EXOC1: variants seen among roughly 807,000 people sequenced by gnomAD.
EXOC1 encodes SEC3-like 1.
A neutral mutation model predicts 107.7 loss-of-function variants in EXOC1; 67 were observed. The observed-to-expected ratio is 0.62, with a 90% CI of 0.51 to 0.76. EXOC1 has a LOEUF of 0.76. Ranked by LOEUF, EXOC1 falls within the 30% of genes least tolerant of loss-of-function variation. The pLI, the probability that EXOC1 is intolerant of heterozygous loss-of-function variation, is 0.00. For synonymous variants in EXOC1, 348 were observed against 353.5 expected, an observed-to-expected ratio of 0.98 and a Z score of 0.17; for missense variants, 833 against 1,055.7, an observed-to-expected ratio of 0.79 and a Z score of 2.92.
chr4:55,893,566 G>A lies in EXOC1; in HGVS notation c.1739G>A (p.Arg580His), dbSNP rs754810927. Reference sequence around the variant, plus strand: ...TTTCTGAACAGGAAAGATATGATCCGCCAAATGATGATTAAAATATTTCGC... The same window carrying A: ...TTTCTGAACAGGAAAGATATGATCCACCAAATGATGATTAAAATATTTCGC... The part of the protein sequence containing the change: ...LPVSSEKDMI[R>H]QMMIKIFRCI... Residue 580 changes from arginine to histidine, a missense_variant, in exon 15 of 19, where the codon CGC becomes CAC. Transcript: ENST00000381295. 4 of 1,612,864 alleles carry A rather than the reference G, an allele frequency of 2.5e-6. No individual in the cohort carries two copies. The highest frequency in any genetic ancestry group is 3.4e-6 in the Non-Finnish European group (4 of 1,179,856).
intron 2 of EXOC1, among the ~76,000 whole-genome samples, chr4:55,858,901 A>G (rs1439341734): frequency 6.6e-6 from 1 of 152,178 alleles, no homozygotes; most frequent in African/African-American, 2.4e-5. Flanking sequence ...TATAATTTAA[A>G]CTAAATGAAA....
At chr4:55,891,976 T>C (rs770373479) in intron 13 of EXOC1, among the ~76,000 whole-genome samples, 6 of 152,174 alleles carry the variant, frequency 3.9e-5, no homozygotes, top group Non-Finnish European at 7.3e-5. Flanking sequence ...GTAGCATACA[T>C]ATAAGAGAAT....
chr4:55,894,719 T>A (rs896533384), intron 15 of EXOC1, among the ~76,000 whole-genome samples: 13 of 144,174 alleles, frequency 9.0e-5, no homozygotes, highest in South Asian at 4.6e-4. Flanking sequence ...GCCTCCTGGG[T>A]TCAAGTGATT....
chr4:55,867,349 G>C (rs1401318921), intron 4 of EXOC1, among the ~76,000 whole-genome samples: 1 of 152,084 alleles, frequency 6.6e-6, no homozygotes, highest in Non-Finnish European at 1.5e-5. Context: ...ACGTATTTCA[G>C]GTCATGCTGA....
chr4:55,874,244 A>G (rs1722694856), intron 8 of EXOC1, among the ~76,000 whole-genome samples: 1 of 152,172 alleles, frequency 6.6e-6, no homozygotes, highest in Non-Finnish European at 1.5e-5. Context: ...TATTCACAAT[A>G]TAACAGTAAT....
chr4:55,895,400 C>T (rs962027396), intron 15 of EXOC1, among the ~76,000 whole-genome samples: 5 of 152,198 alleles, frequency 3.3e-5, no homozygotes, highest in East Asian at 1.9e-4. Context: ...GTTCTAGTAC[C>T]TGCAATCTTA....
At position 55,878,029 on chromosome 4, in the gene EXOC1, A is replaced by G; in HGVS notation, c.1187A>G (p.Lys396Arg). 1.2e-6 allele frequency: 2 copies of G among 1,613,858 alleles called. No individual in the cohort carries two copies. The highest frequency in any genetic ancestry group is 1.1e-5 in the South Asian group (1 of 91,082). The change falls in exon 9 of 19, where the codon AAG becomes AGG. Residue 396 changes from lysine (K) to arginine (R), a missense_variant. By Grantham distance (26) the Lys-to-Arg change is conservative. Around this residue, in one of 2 missense-constraint regions of EXOC1, gnomAD observed 617 missense variants for 701.3 expected, o/e 0.88. Coordinates refer to ENST00000381295, the MANE Select transcript of EXOC1 (RefSeq NM_001024924.2). ...LRYAKLMEWL[K>R]STDYGKYEGL... ...TATGCCAAGCTGATGGAGTGGCTAA[A>G]GAGTACAGATTATGGAAAATATGAA...
chr4:55,896,844 G>A lies in EXOC1; in HGVS notation c.2081G>A (p.Arg694His), dbSNP rs142941850. 9.3e-6 allele frequency: 15 copies of A among 1,611,120 alleles called. No homozygotes were observed. Among genetic ancestry groups the A allele is most frequent in the African/African-American group, 2.7e-5 (2 of 74,814 alleles). ...GAATCAATCTTCAAAAATGCTGAGC[G>A]TCGTGGAGACCTGGATAAAGCATAC... Reference protein sequence around the residue: ...LAESIFKNAERRGDLDKAYTK... With the variant: ...LAESIFKNAEHRGDLDKAYTK... Residue 694 changes from arginine (R) to histidine (H), a missense_variant, in exon 16 of 19, where the codon CGT (arginine) becomes CAT (histidine). By Grantham distance (29) the Arg-to-His change is conservative (BLOSUM62 0). Around this residue, in one of 2 missense-constraint regions of EXOC1, gnomAD observed 216 missense variants for 354.4 expected, o/e 0.61. Transcript: ENST00000381295.
chr4:55,870,549 A>G (rs1722329773), intron 5 of EXOC1, 129 bp from the exon 6 acceptor site: 2 of 791,844 alleles, frequency 2.5e-6, no homozygotes, highest in Non-Finnish European at 4.1e-6. Flanking sequence ...GTATATATCA[A>G]TTTTTGTTAT....
intron 9 of EXOC1, 108 bp from the exon 10 acceptor site, chr4:55,883,715 T>G (rs1418993588): frequency 6.4e-6 from 4 of 621,568 alleles, no homozygotes; most frequent in South Asian, 5.8e-5. Flanking sequence ...TACATCAAAG[T>G]TTTGGACTAT....
In EXOC1 at chr4:55,877,518, G is replaced by A. The variant is rs1723012333; in HGVS notation, c.1075-399G>A. On this transcript the variant is annotated intron_variant, in intron 8 of 18. Coordinates refer to ENST00000381295, the MANE Select transcript of EXOC1 (RefSeq NM_001024924.2). The stretch of plus-strand genomic sequence containing the variant: ...AAACTCTAATGGGAATACCATAAAT[G>A]TAGACTGTTTTGAATGATTTCTCTA... 3.0e-6 allele frequency: 3 copies of A among 984,694 alleles called. No individual in the cohort carries two copies. The South Asian group carries it at 1.4e-4, about 46-fold the overall frequency. The allele number at this position is 984,694 out of a possible 1,614,324, so 61.0% of individuals were successfully genotyped here.
intron 10 of EXOC1, chr4:55,885,460 T>C (rs1723781496): frequency 6.6e-6 from 1 of 152,220 alleles, no homozygotes; most frequent in Admixed American, 6.5e-5. Context: ...AAAACATTTT[T>C]AACTAACATA....
intron 8 of EXOC1, chr4:55,877,427 A>G (rs1055301421): frequency 2.0e-6 from 2 of 985,258 alleles, no homozygotes; most frequent in South Asian, 4.7e-5. Context: ...CAGATGACCA[A>G]GGTTCCAATT....
At chr4:55,899,293 T>C (rs1028391984) in intron 16 of EXOC1, among the ~76,000 whole-genome samples, 15 of 152,284 alleles carry the variant, frequency 9.9e-5, no homozygotes, top group African/African-American at 2.6e-4. Context: ...TTAGTACTTA[T>C]GATTGTATTA....
At position 55,877,987 on chromosome 4, in the gene EXOC1, A is replaced by C. The variant is rs1399369814; in HGVS notation, c.1145A>C (p.His382Pro). Residue 382 changes from histidine (H) to proline (P), a missense_variant, in exon 9 of 19, where the codon CAT (histidine) becomes CCT (proline). By Grantham distance (77) the His-to-Pro change is moderately conservative. This residue lies in a region of EXOC1 where 617 missense variants were observed against 701.3 expected (regional missense o/e 0.88). Coordinates refer to ENST00000381295, the MANE Select transcript of EXOC1 (RefSeq NM_001024924.2). ...ACTTTACCCAATCATCATCCATTTC[A>C]TAGAGATTTGCTCCGATATGCCAAG... ...ELTLPNHHPFHRDLLRYAKLM... is the reference protein window; with the variant it reads ...ELTLPNHHPFPRDLLRYAKLM... The C allele has an allele frequency of 1.2e-6, 2 of 1,613,914 alleles. No homozygotes were observed. Among genetic ancestry groups the C allele is most frequent in the East Asian group, 2.2e-5 (1 of 44,848 alleles).
chr4:55,858,772 G>C (rs895468343), intron 2 of EXOC1, among the ~76,000 whole-genome samples: 2 of 152,082 alleles, frequency 1.3e-5, no homozygotes, highest in Non-Finnish European at 2.9e-5. Flanking sequence ...TGTGTTGCTT[G>C]TCCTTTTACT....
At chr4:55,880,574 T>C (rs971867689) in intron 9 of EXOC1, among the ~76,000 whole-genome samples, 2 of 152,198 alleles carry the variant, frequency 1.3e-5, no homozygotes, top group African/African-American at 4.8e-5. Flanking sequence ...TATATTTCCT[T>C]AAGAGTTTTG....
intron 4 of EXOC1, chr4:55,866,845 G>A: frequency 4.1e-6 from 4 of 984,920 alleles, no homozygotes; most frequent in Non-Finnish European, 4.8e-6. Flanking sequence ...ACTTTCCTCT[G>A]CTTTTTTCAT....
At chr4:55,876,528 CTTAG>C in intron 8 of EXOC1, 1 of 924,746 alleles carries the variant, frequency 1.1e-6, no homozygotes, top group Non-Finnish European at 1.3e-6. Flanking sequence ...TGGTGCCAAG[CTTAG>C]TCTGAGTTTT....
Sources: gnomAD v4.1 joint callset for allele counts (sites outside exome capture counted in the v4.1 genomes callset) on GRCh38, gnomAD v4.1.1 for gene constraint, gnomAD v4.1.1 regional missense constraint, MANE v1.5 for transcripts, NCBI Gene and HGNC (gene_info 2026-07-23, HGNC 2026-07-21) for gene names.